Variants in FAM149B1 observed in about 807,000 individuals in gnomAD.
FAM149B1 encodes family with sequence similarity 149 member B1.
Under a neutral mutation model 75.3 loss-of-function variants are expected in FAM149B1, and 56 were observed. That is an observed-to-expected ratio of 0.74 (90% CI 0.60 to 0.93). The LOEUF (loss-of-function observed/expected upper bound fraction) is 0.93. Among genes scored for constraint, FAM149B1 ranks in the 40% least tolerant of loss-of-function variants. FAM149B1 has a pLI of 0.00. For missense variants in FAM149B1, 639 were observed against 708.4 expected, an observed-to-expected ratio of 0.90 and a Z score of 1.11; for synonymous variants, 259 against 256.1, an observed-to-expected ratio of 1.01 and a Z score of -0.11.
At chr10:73,215,414 G>A (rs75853454) in intron 7 of FAM149B1, among the ~76,000 whole-genome samples, 10,976 of 151,848 alleles carry the variant, frequency 0.072, 653 homozygotes, top group East Asian at 0.31. Flanking sequence ...TAGAGATTGG[G>A]TTTTGCTATG....
chr10:73,188,764 A>G (rs755862911), intron 3 of FAM149B1, among the ~76,000 whole-genome samples: 41 of 81,740 alleles, frequency 5.0e-4, no homozygotes, highest in African/African-American at 2.2e-3. Flanking sequence ...GAGGGAAGGA[A>G]GGAAGGAAGG....
At chr10:73,217,044 T>C (rs1160203618) in intron 7 of FAM149B1, among the ~76,000 whole-genome samples, 1 of 152,176 alleles carries the variant, frequency 6.6e-6, no homozygotes, top group East Asian at 1.9e-4. Flanking sequence ...TTTTGTAGAG[T>C]TTCATGTGAG....
intron 3 of FAM149B1, among the ~76,000 whole-genome samples, chr10:73,184,109 C>T (rs192597067): frequency 1.6e-3 from 244 of 152,146 alleles, no homozygotes; most frequent in African/African-American, 5.4e-3. Context: ...CCTGGCTGAC[C>T]GTGAGTCAGC....
In FAM149B1 at chr10:73,240,764, G is replaced by T. The variant is rs543328161; in HGVS notation, c.1676-182G>T. On this transcript the variant is annotated intron_variant, in intron 13 of 13. Transcript: ENST00000242505. ...TAACTTATGTAACACTGAAGTGGAA[G>T]TGAGTAAATCAGACATCTTGCTTCT... Among the ~76,000 whole-genome samples, 3 of 151,548 alleles carry T rather than the reference G, an allele frequency of 2.0e-5. No homozygotes were observed. The South Asian group carries it at 6.3e-4, about 32-fold the overall frequency.
intron 7 of FAM149B1, among the ~76,000 whole-genome samples, chr10:73,214,444 T>A (rs572526044): frequency 3.3e-4 from 50 of 152,292 alleles, no homozygotes; most frequent in African/African-American, 1.2e-3. Flanking sequence ...GGTTTGTTGT[T>A]TATGGCCTTT....
chr10:73,232,996 A>C lies in FAM149B1; in HGVS notation c.1185A>C (p.Arg395=). Residue 395 remains arginine, a synonymous_variant, in exon 10 of 14, where the codon CGA becomes CGC. Coordinates refer to ENST00000242505, the MANE Select transcript of FAM149B1 (RefSeq NM_173348.2). ...GGTCCAGTACCATCCTTTCAACTCG[A>C]AATTGGCCAAATCGAGCTGTGGAGT... ...RPGSSTILST[R]NWPNRAVEFS... is the part of the protein sequence containing the mutation. The C allele has an allele frequency of 1.3e-6, 2 of 1,552,034 alleles. No individual in the cohort carries two copies. The highest frequency in any genetic ancestry group is 1.7e-6 in the Non-Finnish European group (2 of 1,147,020).
intron 5 of FAM149B1, among the ~76,000 whole-genome samples, chr10:73,206,331 G>A (rs1487561878): frequency 3.3e-5 from 5 of 152,180 alleles, no homozygotes; most frequent in Admixed American, 6.5e-5. Context: ...GCAAAGAAAT[G>A]ACTTAAAGTT....
Position 73,179,382 on chromosome 10 carries a change from C to T in FAM149B1, c.282+1407C>T, listed in dbSNP as rs529784878. ...CTAATATTTTATAAACACTTCTCCA[C>T]AATATTGACTTTATATAATATTATT... is the stretch of plus-strand genomic sequence containing the variant. On this transcript the variant is annotated intron_variant, in intron 3 of 13. Coordinates refer to ENST00000242505, the MANE Select transcript of FAM149B1 (RefSeq NM_173348.2). Among the ~76,000 whole-genome samples, 24 of 152,180 alleles carry T rather than the reference C, an allele frequency of 1.6e-4. 1 individual carries two copies. In the South Asian group the frequency reaches 4.8e-3, roughly 30 times the overall value.
At chr10:73,193,781 G>A (rs2042733329) in intron 5 of FAM149B1, among the ~76,000 whole-genome samples, 188 bp downstream of exon 5, 1 of 152,136 alleles carries the variant, frequency 6.6e-6, no homozygotes, top group South Asian at 2.1e-4. Flanking sequence ...TGTTCAAAAA[G>A]TTAGACCTTT....
chr10:73,229,556 C>T (rs534314365), intron 8 of FAM149B1, among the ~76,000 whole-genome samples: 4 of 152,282 alleles, frequency 2.6e-5, no homozygotes, highest in African/African-American at 9.6e-5. Flanking sequence ...ACCTGGGTGA[C>T]AGAGCAAGAC....
At chr10:73,239,747 T>C (rs2043900104) in intron 13 of FAM149B1, among the ~76,000 whole-genome samples, 1 of 152,216 alleles carries the variant, frequency 6.6e-6, no homozygotes, top group Non-Finnish European at 1.5e-5. Context: ...GATTTTATTA[T>C]GCAGGCAAAA....
intron 9 of FAM149B1, 45 bp downstream of exon 9, chr10:73,230,570 CAG>C (rs780777304): frequency 6.1e-6 from 7 of 1,138,928 alleles, no homozygotes; most frequent in East Asian, 2.6e-5. Context: ...AAAAGGGAAA[CAG>C]AGGGAAAGCA....
At chr10:73,203,786 C>T (rs1467326270) in intron 5 of FAM149B1, among the ~76,000 whole-genome samples, 3 of 152,052 alleles carry the variant, frequency 2.0e-5, no homozygotes, top group African/African-American at 7.2e-5. Context: ...ACTATAGGTG[C>T]ATGCCACCAT....
intron 5 of FAM149B1, chr10:73,200,459 C>A (rs555582395): frequency 8.1e-6 from 5 of 616,466 alleles, no homozygotes; most frequent in African/African-American, 5.5e-5. Flanking sequence ...AAACTGCAGG[C>A]TGAAGTACCA....
chr10:73,190,996 G>A (rs2042669118), intron 3 of FAM149B1, among the ~76,000 whole-genome samples: 1 of 152,058 alleles, frequency 6.6e-6, no homozygotes, highest in Admixed American at 6.5e-5. Flanking sequence ...TGAGATTACA[G>A]GTGTGAACCT....
At chr10:73,187,695 C>T (rs943876218) in intron 3 of FAM149B1, among the ~76,000 whole-genome samples, 9 of 151,868 alleles carry the variant, frequency 5.9e-5, no homozygotes, top group Admixed American at 5.9e-4. Flanking sequence ...CACCATTGCA[C>T]TCCAGCCTGG....
At chr10:73,217,453 G>A (rs2043322465) in intron 7 of FAM149B1, among the ~76,000 whole-genome samples, 1 of 152,170 alleles carries the variant, frequency 6.6e-6, no homozygotes, top group African/African-American at 2.4e-5. Context: ...TGAAGTCCAG[G>A]AACAGCTTAG....
Position 73,243,032 on chromosome 10 carries a change from G to A in FAM149B1, c.*2013G>A, listed in dbSNP as rs2043971158. The A allele has an allele frequency of 5.2e-6, 1 of 192,924 alleles. No individual in the cohort carries two copies. The highest frequency in any genetic ancestry group is 1.0e-4 in the South Asian group (1 of 10,050). The allele number at this position is 192,924 out of a possible 1,614,324, so 12.0% of individuals were successfully genotyped here. A position where few individuals can be genotyped will look rare whatever the true frequency, so the allele number is the denominator to read the frequency against. On this transcript the variant is annotated 3_prime_UTR_variant, in exon 14 of 14. Coordinates refer to ENST00000242505, the MANE Select transcript of FAM149B1 (RefSeq NM_173348.2). The stretch of plus-strand genomic sequence containing the variant: ...GTCTGGAAGGTGTTCTAGCTGGGTA[G>A]AGAGCCTATTCTAACAGACACGCAC...
chr10:73,182,581 A>T (rs2042425160), intron 3 of FAM149B1, among the ~76,000 whole-genome samples: 1 of 152,336 alleles, frequency 6.6e-6, no homozygotes, highest in East Asian at 1.9e-4. Context: ...CTCTCATCTG[A>T]ATGGTGGACC....
Sources: allele counts gnomAD v4.1 joint callset (sites outside exome capture counted in the v4.1 genomes callset), GRCh38; gene constraint gnomAD v4.1.1; transcripts MANE v1.5; gene names NCBI Gene and HGNC (gene_info 2026-07-23, HGNC 2026-07-21).